The following GADL1 variants were observed in gnomAD, a reference collection of about 807,000 sequenced individuals.
GADL1 encodes acidic amino acid decarboxylase GADL1.
A neutral mutation model predicts 69.5 loss-of-function variants in GADL1; 71 were observed. The observed-to-expected ratio is 1.02, with a 90% confidence interval of 0.84 to 1.25. The LOEUF is 1.25. GADL1 is among the 50% of genes most tolerant of loss of function. The pLI is 0.00. For synonymous variants in GADL1, 254 were observed against 214.4 expected (o/e 1.18, Z -1.62); for missense variants, 737 against 631.8 (o/e 1.17, Z -1.79).
chr3:30,814,614 T>C (rs1697426455), intron 11 of GADL1, among the ~76,000 whole-genome samples: 1 of 152,180 alleles, frequency 6.6e-6, no homozygotes, highest in Non-Finnish European at 1.5e-5. Context: ...CCATAATTTT[T>C]AGACCCCATG....
At chr3:30,893,825 C>A (rs1164846212) in intron 1 of GADL1, among the ~76,000 whole-genome samples, 1 of 152,132 alleles carries the variant, frequency 6.6e-6, no homozygotes, top group African/African-American at 2.4e-5. Flanking sequence ...CAGATGCCCC[C>A]AGAGAGCTTC....
chr3:30,765,122 A>AGAG (rs3043002), intron 14 of GADL1, among the ~76,000 whole-genome samples: 66,490 of 151,478 alleles, frequency 0.44, 14,603 homozygotes, highest in African/African-American at 0.46. Context: ...TACGCAAGAC[A>AGAG]GAGGTAGTTC....
At chr3:30,768,672 G>GGA (rs1162575764) in intron 14 of GADL1, among the ~76,000 whole-genome samples, 2 of 152,096 alleles carry the variant, frequency 1.3e-5, no homozygotes, top group African/African-American at 4.8e-5. Context: ...AGTTTGCTTT[G>GGA]GAGAAGGGAT....
chr3:30,837,705 C>T (rs972530036), intron 9 of GADL1, among the ~76,000 whole-genome samples: 1 of 152,014 alleles, frequency 6.6e-6, no homozygotes, highest in African/African-American at 2.4e-5. Flanking sequence ...TTAGGTAGAA[C>T]TGCTGATGTA....
intron 8 of GADL1, among the ~76,000 whole-genome samples, chr3:30,841,258 C>A (rs138648219): frequency 4.8e-4 from 73 of 152,286 alleles, no homozygotes; most frequent in African/African-American, 1.4e-3. Flanking sequence ...TGAAAGAAAA[C>A]TGAGGAGACG....
intron 1 of GADL1, among the ~76,000 whole-genome samples, chr3:30,890,417 A>G (rs550721732): frequency 1.0e-3 from 157 of 152,358 alleles, no homozygotes; most frequent in South Asian, 1.9e-3. Flanking sequence ...CATGTAAAAA[A>G]GAATGATGAT....
chr3:30,877,852 G>C (rs933135860), intron 1 of GADL1, among the ~76,000 whole-genome samples: 1 of 151,900 alleles, frequency 6.6e-6, no homozygotes, highest in Non-Finnish European at 1.5e-5. Flanking sequence ...AACCATAATA[G>C]ATTTTAATAT....
chr3:30,787,581 TTATA>T (rs1395277106), intron 12 of GADL1, among the ~76,000 whole-genome samples: 1 of 152,146 alleles, frequency 6.6e-6, no homozygotes, highest in Admixed American at 6.6e-5. Flanking sequence ...ATTGTGATTT[TTATA>T]TATAATAGCA....
chr3:30,847,386 C>T (rs1250985224), intron 6 of GADL1, among the ~76,000 whole-genome samples: 3 of 152,102 alleles, frequency 2.0e-5, no homozygotes, highest in African/African-American at 7.2e-5. Context: ...CTGGAAAAGA[C>T]TACCTAATAT....
chr3:30,847,088 G>C (rs1575232647), intron 6 of GADL1, among the ~76,000 whole-genome samples: 1 of 152,082 alleles, frequency 6.6e-6, no homozygotes, highest in African/African-American at 2.4e-5. Context: ...ACAAACACGG[G>C]ATTTCTATAC....
At chr3:30,860,676 TA>T (rs1698307331) in intron 2 of GADL1, among the ~76,000 whole-genome samples, 1 of 151,998 alleles carries the variant, frequency 6.6e-6, no homozygotes, top group Non-Finnish European at 1.5e-5. Context: ...TTCTAACTAA[TA>T]TAACTGGAAT....
At chr3:30,768,603 G>A (rs968152180) in intron 14 of GADL1, among the ~76,000 whole-genome samples, 2 of 151,940 alleles carry the variant, frequency 1.3e-5, no homozygotes, top group African/African-American at 4.8e-5. Flanking sequence ...GAAGAGTGGC[G>A]AGACTGGAGG....
intron 11 of GADL1, among the ~76,000 whole-genome samples, chr3:30,827,006 CA>C (rs1471719826): frequency 1.3e-5 from 2 of 151,758 alleles, no homozygotes; most frequent in Non-Finnish European, 2.9e-5. Context: ...CATACCCCTT[CA>C]AAAAATTTCC....
intron 1 of GADL1, among the ~76,000 whole-genome samples, chr3:30,871,245 G>C (rs1237781625): frequency 6.6e-6 from 1 of 151,664 alleles, no homozygotes; most frequent in Non-Finnish European, 1.5e-5. Flanking sequence ...ACTGAAAGCT[G>C]TTGATGGGAT....
intron 11 of GADL1, among the ~76,000 whole-genome samples, chr3:30,812,995 T>C (rs1697389988): frequency 6.6e-6 from 1 of 151,684 alleles, no homozygotes; most frequent in African/African-American, 2.4e-5. Flanking sequence ...CAAGAGAAAA[T>C]GCAGTGAGGA....
At chr3:30,731,004 A>G (rs6784667) in intron 14 of GADL1, among the ~76,000 whole-genome samples, 6,896 of 152,322 alleles carry the variant, frequency 0.045, 453 homozygotes, top group African/African-American at 0.13. Flanking sequence ...TAGGTTCATC[A>G]TAAAAGTACA....
At chr3:30,762,832 A>G (rs757692652) in intron 14 of GADL1, among the ~76,000 whole-genome samples, 5 of 134,120 alleles carry the variant, frequency 3.7e-5, no homozygotes, top group Non-Finnish European at 8.1e-5. Flanking sequence ...AACTGAAAAC[A>G]TGTGATGTTA....
chr3:30,840,349 T>C (rs1056581382), intron 8 of GADL1, among the ~76,000 whole-genome samples: 3 of 152,088 alleles, frequency 2.0e-5, no homozygotes, highest in Non-Finnish European at 4.4e-5. Context: ...ATCAAAGTGG[T>C]GGTATATAAC....
intron 11 of GADL1, 37 bp from the exon 12 acceptor site, chr3:30,801,125 T>C (rs1381794681): frequency 2.0e-6 from 3 of 1,521,166 alleles, no homozygotes; most frequent in East Asian, 2.3e-5. Context: ...TGTTAAACTT[T>C]AGAATATAAC....
Sources: gnomAD v4.1 joint callset for allele counts (sites outside exome capture counted in the v4.1 genomes callset) on GRCh38, gnomAD v4.1.1 for gene constraint, MANE v1.5 for transcripts, NCBI Gene and HGNC (gene_info 2026-07-23, HGNC 2026-07-21) for gene names.